MED12L: variants seen among roughly 807,000 people sequenced by gnomAD.
The protein encoded by MED12L is mediator complex subunit 12L.
Under a neutral mutation model 281.3 loss-of-function variants are expected in MED12L, and 60 were observed. The observed-to-expected ratio is 0.21, with a 90% confidence interval of 0.17 to 0.26. The LOEUF (loss-of-function observed/expected upper bound fraction) is 0.26, where lower values mean the gene tolerates loss of function less well. MED12L is among the 10% of genes least tolerant of loss of function. MED12L has a pLI of 1.00. For synonymous variants in MED12L, 974 were observed against 987.2 expected (o/e 0.99, Z 0.25); for missense variants, 2,146 against 2,680.9 (o/e 0.80, Z 4.41).
chr3:151,223,086 A>G (rs1729714295), intron 16 of MED12L, among the ~76,000 whole-genome samples: 1 of 151,884 alleles, frequency 6.6e-6, no homozygotes, highest in Non-Finnish European at 1.5e-5. Context: ...TGGAGTAATA[A>G]TCTCAGTGGC....
chr3:151,091,380 C>G (rs1367289354), intron 2 of MED12L, among the ~76,000 whole-genome samples: 1 of 152,178 alleles, frequency 6.6e-6, no homozygotes. Flanking sequence ...TGCTGGGTCT[C>G]TAAGATTCAG....
At chr3:151,306,775 C>G (rs1746721218) in intron 16 of MED12L, among the ~76,000 whole-genome samples, 1 of 152,230 alleles carries the variant, frequency 6.6e-6, no homozygotes, top group East Asian at 1.9e-4. Context: ...TTATTGCCCT[C>G]TGGTCAGGAT....
At chr3:151,381,612 T>G (rs1198409630) in intron 32 of MED12L, among the ~76,000 whole-genome samples, 2 of 152,210 alleles carry the variant, frequency 1.3e-5, no homozygotes, top group Non-Finnish European at 2.9e-5. Flanking sequence ...AGTTCTCTGT[T>G]AAGATGTTAC....
chr3:151,408,269 T>C (rs1489820570), intron 39 of MED12L, among the ~76,000 whole-genome samples: 6 of 152,232 alleles, frequency 3.9e-5, no homozygotes, highest in African/African-American at 1.4e-4. Context: ...CTCTGAAATA[T>C]GATCGATTCT....
At position 151,365,143 on chromosome 3, in the gene MED12L, A is replaced by C; in HGVS notation, c.3122A>C (p.Asn1041Thr). Reference protein sequence around the residue: ...LGKILSDNAANRYSFVCNTLM... With the variant: ...LGKILSDNAATRYSFVCNTLM... ...AAGATCCTCAGTGACAATGCGGCCA[A>C]TCGCTACAGCTTTGTCTGCAATACA... Residue 1041 changes from asparagine (N) to threonine (T), a missense_variant, in exon 22 of 45, where the codon AAT (asparagine) becomes ACT (threonine). Asn to Thr is a moderately conservative substitution (Grantham distance 65). Transcript: ENST00000687756. 6.2e-7 allele frequency: 1 copy of C among 1,614,102 alleles called. No individual in the cohort carries two copies. Among genetic ancestry groups the C allele is most frequent in the Non-Finnish European group, 8.5e-7 (1 of 1,179,962 alleles).
chr3:151,198,576 G>C (rs764956716), intron 16 of MED12L: 1 of 1,614,072 alleles, frequency 6.2e-7, no homozygotes, highest in Admixed American at 1.7e-5. Context: ...GCCAGGAGCA[G>C]TGTAGCCTCT....
At chr3:151,151,745 T>TCAC (rs1718552711) in intron 5 of MED12L, among the ~76,000 whole-genome samples, 1 of 152,092 alleles carries the variant, frequency 6.6e-6, no homozygotes, top group Non-Finnish European at 1.5e-5. Context: ...TGATTACAGA[T>TCAC]CACCATAACA....
At chr3:151,195,023 C>A (rs1724460565) in intron 16 of MED12L, among the ~76,000 whole-genome samples, 1 of 152,048 alleles carries the variant, frequency 6.6e-6, no homozygotes, top group Non-Finnish European at 1.5e-5. Flanking sequence ...AATTAGCAGG[C>A]CTGGTGGCGG....
chr3:151,193,936 G>A (rs1005003215), intron 16 of MED12L, among the ~76,000 whole-genome samples: 1 of 150,746 alleles, frequency 6.6e-6, no homozygotes, highest in Non-Finnish European at 1.5e-5. Context: ...GTCACTGCAG[G>A]TGATGTCTAA....
intron 16 of MED12L, among the ~76,000 whole-genome samples, chr3:151,227,124 A>G (rs1480715581): frequency 6.6e-6 from 1 of 152,238 alleles, no homozygotes; most frequent in East Asian, 1.9e-4. Flanking sequence ...CTTCAGTTAG[A>G]ATCCAGGTCA....
At chr3:151,179,890 CTTT>C (rs1254844923) in intron 11 of MED12L, among the ~76,000 whole-genome samples, 1 of 152,172 alleles carries the variant, frequency 6.6e-6, no homozygotes, top group African/African-American at 2.4e-5. Flanking sequence ...TGTAAAACTT[CTTT>C]GATAGTATCA....
At chr3:151,430,455 G>A (rs927451520) in intron 44 of MED12L, 75 bp downstream of exon 44, 37 of 1,597,804 alleles carry the variant, frequency 2.3e-5, no homozygotes, top group Non-Finnish European at 2.8e-5. Flanking sequence ...GTAAAGTGGC[G>A]GCTCTCCCAA....
rs1188897877 is a variant in MED12L at position 151,085,718 on chromosome 3, G to A, written c.-348G>A. The A allele has an allele frequency of 1.3e-5, 2 of 152,178 alleles. No individual in the cohort carries two copies. The highest frequency in any genetic ancestry group is 2.4e-5 in the African/African-American group (1 of 41,558). The allele number at this position is 152,178 out of a possible 1,614,324, so 9.4% of individuals were successfully genotyped here. A position where few individuals can be genotyped will look rare whatever the true frequency, so the allele number is the denominator to read the frequency against. On this transcript the variant is annotated 5_prime_UTR_variant, in exon 1 of 45. Transcript: ENST00000687756. ...CGCCAACTCGGAAGCTCGCGCTCCC[G>A]GGCCGTGGGGGCGAGAACGCCGGCG... is the stretch of plus-strand genomic sequence containing the variant.
At chr3:151,257,267 TGTA>T (rs1737993886) in intron 16 of MED12L, among the ~76,000 whole-genome samples, 1 of 152,256 alleles carries the variant, frequency 6.6e-6, no homozygotes, top group African/African-American at 2.4e-5. Context: ...GTTGGCATGT[TGTA>T]GTTTAAATAT....
intron 43 of MED12L, among the ~76,000 whole-genome samples, chr3:151,422,376 A>G (rs897671848): frequency 1.3e-5 from 2 of 152,124 alleles, no homozygotes; most frequent in Non-Finnish European, 2.9e-5. Flanking sequence ...GTTCCCTCTG[A>G]GGGCTGTGAG....
At chr3:151,155,748 T>C (rs1212079163) in intron 5 of MED12L, among the ~76,000 whole-genome samples, 1 of 152,218 alleles carries the variant, frequency 6.6e-6, no homozygotes. Flanking sequence ...TCTTTTGCTG[T>C]GGAATTTGAG....
chr3:151,297,071 C>G (rs1745200606), intron 16 of MED12L, among the ~76,000 whole-genome samples: 1 of 152,112 alleles, frequency 6.6e-6, no homozygotes, highest in Non-Finnish European at 1.5e-5. Flanking sequence ...AACTGGTTTC[C>G]CTGACCTAAC....
intron 16 of MED12L, chr3:151,326,315 A>C (rs1025692948): frequency 6.6e-6 from 1 of 152,610 alleles, no homozygotes; most frequent in Non-Finnish European, 1.5e-5. Flanking sequence ...AATGGGCTTT[A>C]TTTTATCAAA....
At position 151,369,492 on chromosome 3, in the gene MED12L, C is replaced by T. The variant is rs746538005; in HGVS notation, c.3607C>T (p.His1203Tyr). 1 of 1,612,226 alleles carries T rather than the reference C, an allele frequency of 6.2e-7. No individual in the cohort carries two copies. Among genetic ancestry groups the T allele is most frequent in the South Asian group, 1.1e-5 (1 of 90,872 alleles). ...SCDRHLLAAAHNSIEVGAVFA... is the reference protein window; with the variant it reads ...SCDRHLLAAAYNSIEVGAVFA... ...TGATAGACACCTCTTAGCCGCTGCT[C>T]ACAACAGCATTGAAGTGGGAGCCGT... The change falls in exon 26 of 45, where the codon CAC (histidine) becomes TAC (tyrosine). Residue 1203 changes from histidine to tyrosine, a missense_variant. By Grantham distance (83) the His-to-Tyr change is moderately conservative. This residue lies in a region of MED12L where 404 missense variants were observed against 603.5 expected (regional missense o/e 0.67). Transcript: ENST00000687756.
Sources: gnomAD v4.1 joint callset for allele counts (sites outside exome capture counted in the v4.1 genomes callset) on GRCh38, gnomAD v4.1.1 for gene constraint, gnomAD v4.1.1 regional missense constraint, MANE v1.5 for transcripts, NCBI Gene and HGNC (gene_info 2026-07-23, HGNC 2026-07-21) for gene names.